The following CDK8 variants were observed in gnomAD, a reference collection of about 807,000 sequenced individuals.
CDK8 encodes cyclin dependent kinase 8, also known as cyclin-dependent kinase 8.
A neutral mutation model predicts 71.5 loss-of-function variants in CDK8; 29 were observed. The observed-to-expected ratio is 0.41, with a 90% CI of 0.30 to 0.55. The LOEUF is 0.55. CDK8 is among the 20% of genes least tolerant of loss of function. CDK8 has a pLI of 0.37. For missense variants in CDK8, 288 were observed against 572.6 expected (o/e 0.50, Z 5.07); for synonymous variants, 161 against 192.1 (o/e 0.84, Z 1.34).
At position 26,254,493 on chromosome 13, in the gene CDK8, T is replaced by C; in HGVS notation, c.-149T>C. 1.6e-6 allele frequency: 1 copy of C among 612,354 alleles called. No individual in the cohort carries two copies. Among genetic ancestry groups the C allele is most frequent in the Non-Finnish European group, 2.7e-6 (1 of 367,174 alleles). 37.9% of individuals were successfully genotyped at this position (612,354 alleles called of 1,614,324 possible). The stretch of plus-strand genomic sequence containing the variant: ...CTGGCGCTTTCGCGGGGCCTCCTCC[T>C]GCTCTTGCCGCATCAGTCGGGCTGG... On this transcript the variant is annotated 5_prime_UTR_variant, in exon 1 of 13. Coordinates refer to ENST00000381527, the MANE Select transcript of CDK8 (RefSeq NM_001260.3). The surrounding 1 kb of genome is among the most constrained non-coding windows in gnomAD (Gnocchi z 6.7).
intron 1 of CDK8, among the ~76,000 whole-genome samples, chr13:26,327,304 C>G (rs1165399937): frequency 6.6e-6 from 1 of 151,938 alleles, no homozygotes; most frequent in African/African-American, 2.4e-5. Flanking sequence ...GGAATGTTGA[C>G]CAAATCTAAT....
intron 4 of CDK8, among the ~76,000 whole-genome samples, chr13:26,369,957 T>C (rs1388749572): frequency 6.6e-6 from 1 of 152,112 alleles, no homozygotes; most frequent in Non-Finnish European, 1.5e-5. Context: ...TAAAATAAAG[T>C]ACAAATTACC....
In CDK8 at chr13:26,331,560, A is replaced by G. The variant is rs190191389; in HGVS notation, c.129-6007A>G. Among the ~76,000 whole-genome samples the G allele has an allele frequency of 3.0e-3, 463 of 152,264 alleles. 1 individual carries two copies. The highest frequency in any genetic ancestry group is 0.01 in the African/African-American group (428 of 41,548). On this transcript the variant is annotated intron_variant, in intron 1 of 12. Transcript: ENST00000381527. ...TCTAGTTTTCCCAGCATCATTTATT[A>G]AAGAGGGTGTCCTTTTCCCTGATAC...
intron 1 of CDK8, among the ~76,000 whole-genome samples, chr13:26,325,750 AAATAAT>A (rs1271360719): frequency 6.6e-6 from 1 of 152,154 alleles, no homozygotes; most frequent in Non-Finnish European, 1.5e-5. Context: ...TCTGTTAGGG[AAATAAT>A]AATATGATTA....
chr13:26,269,208 G>A (rs985877925), intron 1 of CDK8, among the ~76,000 whole-genome samples: 1 of 152,212 alleles, frequency 6.6e-6, no homozygotes, highest in African/African-American at 2.4e-5. Flanking sequence ...AAACTTTTAA[G>A]TACTGCTAAA....
intron 4 of CDK8, among the ~76,000 whole-genome samples, chr13:26,375,869 A>G (rs1274198861): frequency 1.3e-5 from 2 of 152,218 alleles, no homozygotes; most frequent in African/African-American, 4.8e-5. Context: ...TCTACTTTTG[A>G]GATTTTATCC....
intron 1 of CDK8, among the ~76,000 whole-genome samples, chr13:26,268,542 C>T (rs1449644724): frequency 2.6e-5 from 4 of 152,138 alleles, no homozygotes; most frequent in Admixed American, 2.6e-4. Context: ...TCTAGAACTC[C>T]TGAGCTCAAG....
At chr13:26,340,396 TA>T (rs1199759574) in intron 2 of CDK8, among the ~76,000 whole-genome samples, 1 of 152,200 alleles carries the variant, frequency 6.6e-6, no homozygotes, top group Non-Finnish European at 1.5e-5. Flanking sequence ...AATGATACAA[TA>T]ACTGGAATTT....
rs372126494 is a variant in CDK8, at chr13:26,259,303, TA to T, written c.128+4535del. Among the ~76,000 whole-genome samples the T allele has an allele frequency of 2.0e-4, 31 of 151,896 alleles. No homozygotes were observed. In the East Asian group the frequency reaches 4.8e-3, roughly 24 times the overall value. ...TGTGGTTCAAAAATTTTCGAGGGGG[TA>T]GGGGGAAGGATAGTTGCATCTCTAC... On this transcript the variant is annotated intron_variant, in intron 1 of 12. Coordinates refer to ENST00000381527, the MANE Select transcript of CDK8 (RefSeq NM_001260.3).
intron 1 of CDK8, among the ~76,000 whole-genome samples, chr13:26,295,833 G>A (rs1162172466): frequency 6.6e-6 from 1 of 152,160 alleles, no homozygotes; most frequent in African/African-American, 2.4e-5. Context: ...GACTGTATGA[G>A]GTCTCAATGG....
chr13:26,362,273 T>C (rs1039232220), intron 4 of CDK8, among the ~76,000 whole-genome samples: 1 of 152,028 alleles, frequency 6.6e-6, no homozygotes, highest in Admixed American at 6.6e-5. Context: ...GATGGATAGA[T>C]AGATGAATGA....
chr13:26,333,676 G>A (rs1872856171), intron 1 of CDK8, among the ~76,000 whole-genome samples: 1 of 152,084 alleles, frequency 6.6e-6, no homozygotes, highest in Non-Finnish European at 1.5e-5. Context: ...TGTGTATATG[G>A]TGTATATGAA....
chr13:26,380,829 C>CT (rs1274336891), intron 4 of CDK8, among the ~76,000 whole-genome samples: 1 of 152,156 alleles, frequency 6.6e-6, no homozygotes, highest in Non-Finnish European at 1.5e-5. Context: ...AGCCAAGACC[C>CT]TTTTGAAAAG....
At chr13:26,289,627 T>C (rs920747429) in intron 1 of CDK8, among the ~76,000 whole-genome samples, 37 of 152,188 alleles carry the variant, frequency 2.4e-4, no homozygotes, top group African/African-American at 8.2e-4. Flanking sequence ...CTCGGCTCAC[T>C]GCAAGCTCCG....
chr13:26,382,779 G>A, intron 4 of CDK8, 35 bp from the exon 5 acceptor site: 1 of 1,357,208 alleles, frequency 7.4e-7, no homozygotes, highest in Non-Finnish European at 1.0e-6. Flanking sequence ...AACCACTACT[G>A]TCTACTGAAA....
intron 1 of CDK8, among the ~76,000 whole-genome samples, chr13:26,317,183 A>C (rs1344247920): frequency 6.6e-6 from 1 of 152,152 alleles, no homozygotes; most frequent in Non-Finnish European, 1.5e-5. Context: ...ATATTTGAAG[A>C]ACTGATGCCT....
intron 1 of CDK8, among the ~76,000 whole-genome samples, chr13:26,292,542 T>C (rs9512180): frequency 0.048 from 7,305 of 152,284 alleles, 248 homozygotes; most frequent in South Asian, 0.07. Context: ...CACATCACTT[T>C]TTCTCATATC....
intron 1 of CDK8, among the ~76,000 whole-genome samples, chr13:26,285,307 C>T (rs1358844370): frequency 6.6e-6 from 1 of 152,092 alleles, no homozygotes; most frequent in Non-Finnish European, 1.5e-5. Context: ...AGATAATACA[C>T]CATAATCAAG....
chr13:26,329,294 AGGTG>A (rs1875177206), intron 1 of CDK8, among the ~76,000 whole-genome samples: 1 of 151,846 alleles, frequency 6.6e-6, no homozygotes, highest in Non-Finnish European at 1.5e-5. Context: ...CATCTCTTAA[AGGTG>A]AATTTTCATC....
Sources: allele counts gnomAD v4.1 joint callset (sites outside exome capture counted in the v4.1 genomes callset), GRCh38; gene constraint gnomAD v4.1.1; non-coding constraint Gnocchi (gnomAD v3.1); transcripts MANE v1.5; gene names NCBI Gene and HGNC (gene_info 2026-07-23, HGNC 2026-07-21).